The following BUB1 variants were observed in gnomAD, a reference collection of about 807,000 sequenced individuals.
The protein encoded by BUB1 is BUB1 mitotic checkpoint serine/threonine kinase.
Under a neutral mutation model 135.2 loss-of-function variants are expected in BUB1, and 84 were observed. That is an observed-to-expected ratio of 0.62 (90% CI 0.52 to 0.74). The LOEUF (loss-of-function observed/expected upper bound fraction) is 0.74. Ranked by LOEUF, BUB1 falls within the 30% of genes least tolerant of loss-of-function variation. The probability of loss-of-function intolerance (pLI) is 0.00; values close to 1 mark genes in which losing one functional copy is unlikely to be tolerated. For synonymous variants in BUB1, 403 were observed against 434.4 expected, an observed-to-expected ratio of 0.93 and a Z score of 0.90; for missense variants, 1,162 against 1,288.3, an observed-to-expected ratio of 0.90 and a Z score of 1.50.
chr2:110,677,870 G>C, intron 1 of BUB1, 100 bp downstream of exon 1: 2 of 1,392,258 alleles, frequency 1.4e-6, no homozygotes, highest in Non-Finnish European at 2.0e-6. Context: ...CCAGGAAGGG[G>C]GCGAAGGGGG....
At position 110,648,425 on chromosome 2, in the gene BUB1, G is replaced by T. The variant is rs1396339072; in HGVS notation, c.2347+809C>A. Among the ~76,000 whole-genome samples, 3 of 152,132 alleles carry T rather than the reference G, an allele frequency of 2.0e-5. No individual in the cohort carries two copies. Among genetic ancestry groups the T allele is most frequent in the African/African-American group, 7.2e-5 (3 of 41,414 alleles). ...AGGGATGAATAGGTGAGGCACAGGG[G>T]ATTTTTAGGGTGAGGAAATGATTCT... is the stretch of plus-strand genomic sequence containing the variant. On this transcript the variant is annotated intron_variant, in intron 19 of 24. Coordinates refer to ENST00000302759, the MANE Select transcript of BUB1 (RefSeq NM_004336.5). The surrounding 1 kb of genome is among the most constrained non-coding windows in gnomAD (Gnocchi z 4.2).
At chr2:110,642,011 G>A (rs1689518928) in intron 20 of BUB1, 108 bp downstream of exon 20, 1 of 992,558 alleles carries the variant, frequency 1.0e-6, no homozygotes, top group Non-Finnish European at 1.5e-6. Context: ...ATTGCCAACT[G>A]TAGATATAAA....
At chr2:110,641,870 C>A (rs189704008) in intron 20 of BUB1, 67 bp from the exon 21 acceptor site, 7 of 1,488,382 alleles carry the variant, frequency 4.7e-6, no homozygotes, top group South Asian at 2.5e-5. Flanking sequence ...AATAAAGCAA[C>A]CTCTATCCCA....
At chr2:110,646,317 C>G (rs529025182) in intron 19 of BUB1, among the ~76,000 whole-genome samples, 1 of 125,800 alleles carries the variant, frequency 7.9e-6, no homozygotes, top group African/African-American at 3.1e-5. Flanking sequence ...GTCTGGATGA[C>G]AGAGTGATAC....
chr2:110,639,852 TGAA>T lies in BUB1; in HGVS notation c.2956-7_2956-5del. On this transcript the variant is annotated splice_polypyrimidine_tract_variant and splice_region_variant and intron_variant, in intron 23 of 24. Transcript: ENST00000302759. Reference sequence around the variant, plus strand: ...CAGCAACCCCAAAGTAATCGATCTATGAAGAAGATAGAGGTATATATGACTTAA... The same window carrying T: ...CAGCAACCCCAAAGTAATCGATCTATGAAGATAGAGGTATATATGACTTAA... 1.2e-6 allele frequency: 2 copies of T among 1,607,976 alleles called. No individual in the cohort carries two copies. The highest frequency in any genetic ancestry group is 1.7e-6 in the Non-Finnish European group (2 of 1,174,412).
intron 24 of BUB1, among the ~76,000 whole-genome samples, chr2:110,639,509 T>G (rs1003505094): frequency 6.6e-6 from 1 of 152,062 alleles, no homozygotes; most frequent in African/African-American, 2.4e-5. Flanking sequence ...TGTCAACCAT[T>G]TGGCCAGGAG....
rs557116866 is a variant in BUB1, at chr2:110,650,562, C to T, written c.2187G>A (p.Gly729=). ...QAEWMQMSSL[G]TVDAPNFIVG... ...TGTTCGTACTTGGAGCATCAACAGT[C>T]CCAAGTGAACTCATCTGCATCCATT... Residue 729 remains glycine (G), a synonymous_variant, in exon 18 of 25, where the codon GGG becomes GGA. Coordinates refer to ENST00000302759, the MANE Select transcript of BUB1 (RefSeq NM_004336.5). The T allele has an allele frequency of 3.1e-6, 5 of 1,613,586 alleles. No individual in the cohort carries two copies. Among genetic ancestry groups the T allele is most frequent in the East Asian group, 2.2e-5 (1 of 44,856 alleles).
Position 110,641,361 on chromosome 2 carries a change from T to C in BUB1, c.2729A>G (p.Asp910Gly). 2 of 1,614,050 alleles carry C rather than the reference T, an allele frequency of 1.2e-6. No homozygotes were observed. Among genetic ancestry groups the C allele is most frequent in the Non-Finnish European group, 1.7e-6 (2 of 1,179,980 alleles). Residue 910 changes from aspartate (D) to glycine (G), a missense_variant, in exon 22 of 25, where the codon GAC (aspartate) becomes GGC (glycine). Transcript: ENST00000302759. The part of the protein sequence containing the change: ...RMLYMIEQVH[D>G]CEIIHGDIKP... Reference sequence around the variant, plus strand: ...AATGTCTCCATGAATGATTTCACAGTCATGCACTTGCTCAATCATGTAAAG... The same window carrying C: ...AATGTCTCCATGAATGATTTCACAGCCATGCACTTGCTCAATCATGTAAAG...
At chr2:110,659,070 T>C (rs965764475) in intron 11 of BUB1, among the ~76,000 whole-genome samples, 4 of 152,150 alleles carry the variant, frequency 2.6e-5, no homozygotes, top group African/African-American at 9.7e-5. Flanking sequence ...AGTCACAATG[T>C]AAATCTTAAG....
At chr2:110,652,328 C>T (rs1424564818) in intron 17 of BUB1, among the ~76,000 whole-genome samples, 1 of 152,076 alleles carries the variant, frequency 6.6e-6, no homozygotes. Flanking sequence ...TCGAGCTGTA[C>T]TTAGTGTCAC....
chr2:110,652,059 TACAC>T (rs559734586), intron 17 of BUB1, among the ~76,000 whole-genome samples: 184 of 145,254 alleles, frequency 1.3e-3, no homozygotes, highest in Middle Eastern at 0.011. Flanking sequence ...TATACATCCA[TACAC>T]ACACACACAC....
chr2:110,645,587 G>A (rs562701342), intron 19 of BUB1, among the ~76,000 whole-genome samples: 44 of 146,434 alleles, frequency 3.0e-4, no homozygotes, highest in Admixed American at 4.8e-4. Context: ...TTACGTGTAT[G>A]TGTGTGTGTG....
Position 110,641,355 on chromosome 2 carries a change from TCA to T in BUB1, c.2733_2734del (p.Cys911Ter), listed in dbSNP as rs1375837443. On this transcript the variant is annotated stop_gained and frameshift_variant, in exon 22 of 25. Coordinates refer to ENST00000302759, the MANE Select transcript of BUB1 (RefSeq NM_004336.5). LOFTEE classifies it high-confidence loss of function. ...TGGTTTAATGTCTCCATGAATGATT[TCA>T]CAGTCATGCACTTGCTCAATCATGT... 2 of 1,613,810 alleles carry T rather than the reference TCA, an allele frequency of 1.2e-6. No homozygotes were observed. The highest frequency in any genetic ancestry group is 1.7e-4 in the Middle Eastern group (1 of 6,060).
In BUB1 at chr2:110,672,794, G is replaced by A. The variant is rs775123550; in HGVS notation, c.289C>T (p.Leu97=). 1 of 1,614,012 alleles carries A rather than the reference G, an allele frequency of 6.2e-7. No individual in the cohort carries two copies. Among genetic ancestry groups the A allele is most frequent in the South Asian group, 1.1e-5 (1 of 91,048 alleles). Residue 97 remains leucine (L), a synonymous_variant, in exon 4 of 25, where the codon CTG becomes TTG. Transcript: ENST00000302759. Reference sequence around the variant, plus strand: ...CAGGCAATGTACAGAGGGGATGACAGGGTTCCAATCCCATGGTTGTACAGA... The same window carrying A: ...CAGGCAATGTACAGAGGGGATGACAAGGTTCCAATCCCATGGTTGTACAGA... ...EFLYNHGIGT[L]SSPLYIAWAG...
chr2:110,655,954 T>G, intron 15 of BUB1, 38 bp from the exon 16 acceptor site: 1 of 1,587,880 alleles, frequency 6.3e-7, no homozygotes. Flanking sequence ...AGCAGCAATC[T>G]CCCTCTTTAG....
At chr2:110,640,885 A>G in intron 23 of BUB1, 149 bp downstream of exon 23, 1 of 669,242 alleles carries the variant, frequency 1.5e-6, no homozygotes, top group South Asian at 3.0e-5. Flanking sequence ...ATAGAATTCT[A>G]TCCCTGCCAT....
At chr2:110,670,685 G>A in intron 4 of BUB1, 117 bp from the exon 5 acceptor site, 1 of 1,020,582 alleles carries the variant, frequency 9.8e-7, no homozygotes, top group African/African-American at 1.6e-5. Flanking sequence ...CTGACGTCAA[G>A]AGAGAATGTA....
chr2:110,646,787 T>C (rs1487577564), intron 19 of BUB1, among the ~76,000 whole-genome samples: 1 of 152,090 alleles, frequency 6.6e-6, no homozygotes, highest in Non-Finnish European at 1.5e-5. Flanking sequence ...TAAATACATA[T>C]ATTAGAAAAG....
At chr2:110,653,661 T>A in intron 16 of BUB1, 138 bp from the exon 17 acceptor site, 1 of 714,266 alleles carries the variant, frequency 1.4e-6, no homozygotes, top group Non-Finnish European at 2.3e-6. Context: ...TGTTCCATTG[T>A]AAAATGTATA....
Sources: gnomAD v4.1 joint callset for allele counts (sites outside exome capture counted in the v4.1 genomes callset) on GRCh38, gnomAD v4.1.1 for gene constraint, Gnocchi (gnomAD v3.1) non-coding constraint, MANE v1.5 for transcripts, NCBI Gene and HGNC (gene_info 2026-07-23, HGNC 2026-07-21) for gene names.